FAHD1: variants seen among roughly 807,000 people sequenced by gnomAD.
The protein encoded by FAHD1 is oxaloacetate tautomerase FAHD1, mitochondrial.
A neutral mutation model predicts 12.7 loss-of-function variants in FAHD1; 14 were observed. The ratio of observed to expected loss-of-function variants is 1.10; its 90% CI spans 0.73 to 1.72. The LOEUF (loss-of-function observed/expected upper bound fraction) is 1.72, where lower values mean the gene tolerates loss of function less well. FAHD1 is among the 40% of genes most tolerant of loss of function. The probability of loss-of-function intolerance (pLI) is 0.00; values close to 1 mark genes in which losing one functional copy is unlikely to be tolerated. For missense variants in FAHD1, 351 were observed against 298.9 expected (o/e 1.17, Z -1.29); for synonymous variants, 153 against 124.9 (o/e 1.22, Z -1.50).
chr16:1,833,163 A>G (rs917889252), downstream of FAHD1, among the ~76,000 whole-genome samples: 12 of 152,150 alleles, frequency 7.9e-5, no homozygotes, highest in Non-Finnish European at 1.8e-4. Flanking sequence ...AGTGACTCTC[A>G]ATGGTGTGCA....
chr16:1,827,397 C>A, exon 1 of FAHD1: 1 of 1,611,332 alleles, frequency 6.2e-7, no homozygotes. Flanking sequence ...CGCCCGAGGG[C>A]TCGCCCATCC....
downstream of FAHD1, among the ~76,000 whole-genome samples, chr16:1,829,637 G>A (rs889846643): frequency 2.0e-5 from 3 of 151,406 alleles, no homozygotes; most frequent in Admixed American, 1.3e-4. Flanking sequence ...TAAGTATCAT[G>A]CTATCTTAAC....
At chr16:1,839,500 C>A (rs1272851576) in exon 3 of FAHD1, 1 of 1,449,228 alleles carries the variant, frequency 6.9e-7, no homozygotes, top group East Asian at 2.4e-5. Context: ...TCATCTGTAG[C>A]AGAAAAAGAA....
At chr16:1,838,346 A>C (rs1417390314) in intron 2 of FAHD1, among the ~76,000 whole-genome samples, 1 of 152,300 alleles carries the variant, frequency 6.6e-6, no homozygotes, top group East Asian at 1.9e-4. Context: ...AGGCTATATA[A>C]GCAAAATCTC....
rs574382202 is a variant in FAHD1 at position 1,834,671 on chromosome 16, G to T, written c.628-3345G>T. On this transcript the variant is annotated intron_variant, in intron 1 of 2. Transcript: ENST00000382666. ...GCCGGGTGCTGGTGCAGTGGCTCAC[G>T]CCTGTAATCCCAGCACTTTGGGAGG... Among the ~76,000 whole-genome samples the T allele has an allele frequency of 2.9e-4, 44 of 152,212 alleles. 1 individual carries two copies. Among genetic ancestry groups the T allele is most frequent in the Non-Finnish European group, 5.7e-4 (39 of 68,038 alleles).
chr16:1,829,680 A>G (rs1898588545), downstream of FAHD1, among the ~76,000 whole-genome samples: 1 of 152,124 alleles, frequency 6.6e-6, no homozygotes, highest in Non-Finnish European at 1.5e-5. Flanking sequence ...TTGCTTGGCA[A>G]TGCATGTAAT....
At chr16:1,828,351 C>T in exon 1 of FAHD1, 1 of 1,001,392 alleles carries the variant, frequency 1.0e-6, no homozygotes, top group Non-Finnish European at 1.2e-6. Context: ...AGAAGATGAA[C>T]CCTTCAAGAA....
downstream of FAHD1, among the ~76,000 whole-genome samples, chr16:1,833,815 T>C (rs1196326669): frequency 6.6e-6 from 1 of 152,166 alleles, no homozygotes; most frequent in Non-Finnish European, 1.5e-5. Context: ...CCCAAAGTGC[T>C]GGGATTACAG....
intron 1 of FAHD1, among the ~76,000 whole-genome samples, chr16:1,836,926 T>A (rs1307879988): frequency 6.6e-6 from 1 of 152,160 alleles, no homozygotes; most frequent in Non-Finnish European, 1.5e-5. Context: ...GGGAGCACAT[T>A]AACTTGCGGG....
rs1268306230 is a variant in FAHD1 at position 1,828,911 on chromosome 16, G to C, written c.*1007G>C. On this transcript the variant is annotated 3_prime_UTR_variant, in exon 1 of 1. Coordinates refer to ENST00000427358, the Ensembl canonical transcript of FAHD1. ...TCCAAATAAAGGTGCTCCCTTCTAA[G>C]TGGCTTACAAGGGTAATTTTTTTCC... is the stretch of plus-strand genomic sequence containing the variant. The C allele has an allele frequency of 1.0e-6, 1 of 1,000,028 alleles. No individual in the cohort carries two copies. The highest frequency in any genetic ancestry group is 1.2e-6 in the Non-Finnish European group (1 of 829,954). 61.9% of individuals were successfully genotyped at this position (1,000,028 alleles called of 1,614,324 possible). A position where few individuals can be genotyped will look rare whatever the true frequency, so the allele number is the denominator to read the frequency against.
At chr16:1,827,845 G>A (rs1056905733) in exon 1 of FAHD1, 27 of 1,613,986 alleles carry the variant, frequency 1.7e-5, no homozygotes, top group South Asian at 2.2e-5. Context: ...CGATGAGATC[G>A]AGGCTGGCAT....
At chr16:1,837,058 T>C (rs1290227433) in intron 1 of FAHD1, among the ~76,000 whole-genome samples, 1 of 152,124 alleles carries the variant, frequency 6.6e-6, no homozygotes, top group Non-Finnish European at 1.5e-5. Context: ...TCATCTGCAA[T>C]AGGGGAGTTT....
At chr16:1,837,713 G>C in intron 1 of FAHD1, 4 of 800,164 alleles carry the variant, frequency 5.0e-6, no homozygotes, top group Non-Finnish European at 7.7e-6. Context: ...ATTTATCTAG[G>C]TTTTTCTTAT....
exon 1 of FAHD1, chr16:1,828,571 C>A (rs1270188892): frequency 2.0e-6 from 2 of 1,000,078 alleles, no homozygotes; most frequent in African/African-American, 1.7e-5. Context: ...AGATAACTTT[C>A]CGTTGTTTAC....
exon 1 of FAHD1, chr16:1,828,375 A>G: frequency 1.0e-6 from 1 of 1,002,256 alleles, no homozygotes; most frequent in Non-Finnish European, 1.2e-6. Context: ...GTGAAGTAGA[A>G]CGGGTGGGCC....
At chr16:1,834,272 C>G in intron 1 of FAHD1, 1 of 1,601,664 alleles carries the variant, frequency 6.2e-7, no homozygotes, top group Non-Finnish European at 8.5e-7. Flanking sequence ...ATGTTTTTGT[C>G]CAGACAAGTT....
downstream of FAHD1, among the ~76,000 whole-genome samples, chr16:1,832,178 C>CTTTTTTTTT (rs57889123): frequency 0.011 from 1,178 of 108,716 alleles, 56 homozygotes; most frequent in Non-Finnish European, 0.014. Context: ...TATGGTCATT[C>CTTTTTTTTT]TTTTTTTTTT....
rs748721127 is a variant in FAHD1 at position 1,827,416 on chromosome 16, G to A, written c.178G>A (p.Ala60Thr). Residue 60 changes from alanine (A) to threonine (T), a missense_variant, in exon 1 of 1, where the codon GCG becomes ACG. Ala to Thr is a moderately conservative substitution (Grantham distance 58, BLOSUM62 0). Transcript: ENST00000427358. ...CGAGGGCTCGCCCATCCTCATGCCC[G>A]CGTACACTCGCAACCTGCACCACGA... 6 of 1,609,998 alleles carry A rather than the reference G, an allele frequency of 3.7e-6. No individual in the cohort carries two copies. In the African/African-American group the frequency reaches 6.7e-5, roughly 18 times the overall value.
At position 1,827,436 on chromosome 16, in the gene FAHD1, C is replaced by T. The variant is rs148244001; in HGVS notation, c.198C>T (p.His66=). The T allele has an allele frequency of 2.9e-5, 46 of 1,610,290 alleles. No individual in the cohort carries two copies. The African/African-American group carries it at 5.7e-4, about 20-fold the overall frequency. ...TGCCCGCGTACACTCGCAACCTGCA[C>T]CACGAGCTGGAGCTGGGCGTGGTGA... Residue 66 remains histidine, a synonymous_variant, in exon 1 of 1, where the codon CAC becomes CAT. Coordinates refer to ENST00000427358, the Ensembl canonical transcript of FAHD1.
Sources: gnomAD v4.1 joint callset for allele counts (sites outside exome capture counted in the v4.1 genomes callset) on GRCh38, gnomAD v4.1.1 for gene constraint, MANE v1.5 for transcripts, NCBI Gene and HGNC (gene_info 2026-07-23, HGNC 2026-07-21) for gene names.